ROBO1: variants seen among roughly 807,000 people sequenced by gnomAD.
ROBO1 encodes roundabout guidance receptor 1, also known as roundabout homolog 1.
ROBO1 carries 149 observed loss-of-function variants against 195.9 expected under a neutral mutation model. The observed-to-expected ratio is 0.76, with a 90% CI of 0.67 to 0.87. The LOEUF (loss-of-function observed/expected upper bound fraction) is 0.87, where lower values mean the gene tolerates loss of function less well. ROBO1 is among the 40% of genes least tolerant of loss of function. ROBO1 has a pLI of 0.00. For missense variants in ROBO1, 1,933 were observed against 2,068.3 expected, an observed-to-expected ratio of 0.93 and a Z score of 1.27; for synonymous variants, 816 against 733.2, an observed-to-expected ratio of 1.11 and a Z score of -1.82.
chr3:78,706,192 G>A (rs2081547334), intron 8 of ROBO1, among the ~76,000 whole-genome samples: 1 of 152,000 alleles, frequency 6.6e-6, no homozygotes. Context: ...GGATGCTTAT[G>A]TGAATCAAGT....
chr3:79,504,397 T>C (rs1042048537), intron 2 of ROBO1, among the ~76,000 whole-genome samples: 1 of 152,134 alleles, frequency 6.6e-6, no homozygotes, highest in African/African-American at 2.4e-5. Flanking sequence ...TGTAAAATGC[T>C]GAAAATAAGA....
rs530153288 is a variant in ROBO1, at chr3:79,415,282, T to C, written c.88+174542A>G. ...TTCATAGAGCTGATATTCTAGTGAG[T>C]AGAAATGGACGCTGTATAATAATAT... On this transcript the variant is annotated intron_variant, in intron 2 of 30. Transcript: ENST00000464233. Among the ~76,000 whole-genome samples, 5 of 152,208 alleles carry C rather than the reference T, an allele frequency of 3.3e-5. No homozygotes were observed. The East Asian group carries it at 9.7e-4, about 29-fold the overall frequency.
At chr3:79,428,010 A>G (rs958751032) in intron 2 of ROBO1, among the ~76,000 whole-genome samples, 23 of 152,176 alleles carry the variant, frequency 1.5e-4, no homozygotes, top group Non-Finnish European at 3.1e-4. Context: ...GACAACCCAT[A>G]GAATGAGAGA....
chr3:78,858,910 A>G (rs2034621828), intron 4 of ROBO1, among the ~76,000 whole-genome samples: 1 of 152,222 alleles, frequency 6.6e-6, no homozygotes, highest in Non-Finnish European at 1.5e-5. Flanking sequence ...TCTAGGACTT[A>G]AAAAGTAATG....
At chr3:78,607,194 A>T (rs1389781064) in intron 28 of ROBO1, 153 bp from the exon 29 acceptor site, 8 of 681,552 alleles carry the variant, frequency 1.2e-5, no homozygotes, top group South Asian at 2.2e-5. Context: ...AATACCCACA[A>T]TTTTTTAAAA....
chr3:78,973,257 C>T (rs2076808528), intron 3 of ROBO1, among the ~76,000 whole-genome samples: 1 of 151,818 alleles, frequency 6.6e-6, no homozygotes, highest in South Asian at 2.1e-4. Flanking sequence ...TATGTTATCA[C>T]TCCTCCACTT....
At position 79,417,223 on chromosome 3, in the gene ROBO1, C is replaced by T. The variant is rs192704804; in HGVS notation, c.88+172601G>A. On this transcript the variant is annotated intron_variant, in intron 2 of 30. Coordinates refer to ENST00000464233, the MANE Select transcript of ROBO1 (RefSeq NM_002941.4). ...AAAAGACATTGGGGTTTTCTTTCTG[C>T]TCTCATTCTCTTTTTGATCATTCAC... 3.3e-5 allele frequency among the ~76,000 whole-genome samples: 5 copies of T among 152,196 alleles called. No homozygotes were observed. In the East Asian group the frequency reaches 9.7e-4, roughly 29 times the overall value.
At chr3:79,744,145 GA>G (rs1703771731) in intron 1 of ROBO1, among the ~76,000 whole-genome samples, 1 of 152,068 alleles carries the variant, frequency 6.6e-6, no homozygotes, top group Admixed American at 6.6e-5. Flanking sequence ...ATAAACAAGT[GA>G]GTAATGTTAT....
At chr3:78,764,783 T>A (rs189218362) in intron 4 of ROBO1, among the ~76,000 whole-genome samples, 2 of 152,156 alleles carry the variant, frequency 1.3e-5, no homozygotes, top group African/African-American at 4.8e-5. Flanking sequence ...TGAATTTAGG[T>A]TGAAGACAAT....
chr3:79,705,810 C>T lies in ROBO1; in HGVS notation c.-51+61942G>A, dbSNP rs558066445. Among the ~76,000 whole-genome samples the T allele has an allele frequency of 3.0e-3, 461 of 152,182 alleles. 2 individuals carry two copies. The highest frequency in any genetic ancestry group is 5.3e-3 in the Non-Finnish European group (363 of 67,990). On this transcript the variant is annotated intron_variant, in intron 1 of 30. Coordinates refer to ENST00000464233, the MANE Select transcript of ROBO1 (RefSeq NM_002941.4). ...AATATCGAGTCTTCATATTCATTAA[C>T]ATGGAATGTCATTTCATTTATTTCT... is the stretch of plus-strand genomic sequence containing the variant.
intron 3 of ROBO1, among the ~76,000 whole-genome samples, chr3:79,040,187 A>T (rs991451042): frequency 1.3e-5 from 2 of 152,206 alleles, no homozygotes; most frequent in African/African-American, 4.8e-5. Flanking sequence ...AACTGCGACA[A>T]GAGATAAAGA....
At chr3:79,542,540 A>G (rs1942112574) in intron 2 of ROBO1, among the ~76,000 whole-genome samples, 1 of 152,100 alleles carries the variant, frequency 6.6e-6, no homozygotes, top group Non-Finnish European at 1.5e-5. Flanking sequence ...ATATATATTC[A>G]AAGGTTTGTA....
chr3:79,137,187 C>A (rs992771147), intron 2 of ROBO1, among the ~76,000 whole-genome samples: 5 of 151,950 alleles, frequency 3.3e-5, no homozygotes, highest in African/African-American at 7.2e-5. Flanking sequence ...AAAACGTTAG[C>A]CTTGATGTAA....
chr3:78,888,349 A>C (rs2036684680), intron 4 of ROBO1, among the ~76,000 whole-genome samples: 1 of 152,168 alleles, frequency 6.6e-6, no homozygotes, highest in African/African-American at 2.4e-5. Flanking sequence ...TATAGGTATG[A>C]GTGTTTTCAA....
chr3:79,184,029 T>A (rs920439285), intron 2 of ROBO1, among the ~76,000 whole-genome samples: 1 of 152,240 alleles, frequency 6.6e-6, no homozygotes, highest in African/African-American at 2.4e-5. Context: ...ATAAAATGTG[T>A]TGTTTAAATC....
rs865984722 is a variant in ROBO1 at position 78,618,018 on chromosome 3, G to A, written c.3899C>T (p.Pro1300Leu). The A allele has an allele frequency of 6.2e-7, 1 of 1,612,902 alleles. No individual in the cohort carries two copies. The highest frequency in any genetic ancestry group is 8.5e-7 in the Non-Finnish European group (1 of 1,179,250). ...DRRRQPVSPPPPPRPISPPHT... is the reference protein window; with the variant it reads ...DRRRQPVSPPLPPRPISPPHT... The stretch of plus-strand genomic sequence containing the variant: ...TGGAGGGGAGATCGGCCGTGGTGGT[G>A]GAGGAGGACTCACAGGCTGCCGTCT... Residue 1300 changes from proline (P) to leucine (L), a missense_variant, in exon 27 of 31, where the codon CCA (proline) becomes CTA (leucine). This residue lies in a region of ROBO1 where 1,737 missense variants were observed against 1,882.5 expected (regional missense o/e 0.92). Transcript: ENST00000464233.
At chr3:79,662,037 T>TA (rs1278878171) in intron 1 of ROBO1, among the ~76,000 whole-genome samples, 1 of 152,030 alleles carries the variant, frequency 6.6e-6, no homozygotes, top group Non-Finnish European at 1.5e-5. Context: ...AGTCCTTTTT[T>TA]ACAGGTTTTC....
chr3:79,388,321 A>G (rs2036829556), intron 2 of ROBO1, among the ~76,000 whole-genome samples: 2 of 152,120 alleles, frequency 1.3e-5, no homozygotes, highest in Admixed American at 1.3e-4. Flanking sequence ...AAAAAGGGAT[A>G]GAGATATCCT....
intron 2 of ROBO1, among the ~76,000 whole-genome samples, chr3:79,197,866 G>A (rs576325261): frequency 6.7e-5 from 10 of 148,448 alleles, no homozygotes; most frequent in African/African-American, 2.3e-4. Context: ...CATATCCTTC[G>A]CCCATTTTTT....
Sources: gnomAD v4.1 joint callset for allele counts (sites outside exome capture counted in the v4.1 genomes callset) on GRCh38, gnomAD v4.1.1 for gene constraint, gnomAD v4.1.1 regional missense constraint, MANE v1.5 for transcripts, NCBI Gene and HGNC (gene_info 2026-07-23, HGNC 2026-07-21) for gene names.